Variants in HPCAL1 observed in about 807,000 individuals in gnomAD.
HPCAL1 encodes the protein hippocalcin like 1.
In HPCAL1, 8 loss-of-function variants were observed where a neutral mutation model predicts 17.1. The observed-to-expected ratio is 0.47, with a 90% CI of 0.27 to 0.84. The LOEUF is 0.84. Ranked by LOEUF, HPCAL1 falls within the 40% of genes least tolerant of loss-of-function variation. HPCAL1 has a pLI of 0.13. For missense variants in HPCAL1, 165 were observed against 271.1 expected (o/e 0.61, Z 2.75); for synonymous variants, 112 against 111.4 (o/e 1.01, Z -0.03).
At chr2:10,420,205 A>AG (rs1670969912) in intron 3 of HPCAL1, 70 bp downstream of exon 3, 42 of 688,848 alleles carry the variant, frequency 6.1e-5, no homozygotes, top group Non-Finnish European at 8.4e-5. Context: ...CCCCCAGCCC[A>AG]GGGCTTTTTT....
At position 10,400,216 on chromosome 2, in the gene HPCAL1, C is replaced by T. The variant is rs189902565; in HGVS notation, c.-25+3296C>T. Among the ~76,000 whole-genome samples, 335 of 152,240 alleles carry T rather than the reference C, an allele frequency of 2.2e-3. 2 individuals carry two copies. Among genetic ancestry groups the T allele is most frequent in the African/African-American group, 7.5e-3 (311 of 41,524 alleles). ...GGGCGAGCAGGCGGCTCAGCCAGGTCGGAGTGGGTCACACCTGAGGGGCAG... is the reference window on the plus strand; with the variant it reads ...GGGCGAGCAGGCGGCTCAGCCAGGTTGGAGTGGGTCACACCTGAGGGGCAG... On this transcript the variant is annotated intron_variant, in intron 2 of 4. Coordinates refer to ENST00000307845, the MANE Select transcript of HPCAL1 (RefSeq NM_002149.4).
intron 1 of HPCAL1, among the ~76,000 whole-genome samples, chr2:10,317,372 C>T (rs996856737): frequency 6.6e-6 from 1 of 152,042 alleles, no homozygotes; most frequent in South Asian, 2.1e-4. Context: ...GCTAGAGATG[C>T]CTGCTTTGGT....
intron 1 of HPCAL1, among the ~76,000 whole-genome samples, chr2:10,372,709 G>A (rs909605737): frequency 5.3e-5 from 8 of 152,206 alleles, no homozygotes; most frequent in Non-Finnish European, 8.8e-5. Context: ...CGTCAGCCAC[G>A]GCCAGAGCAC....
At position 10,426,811 on chromosome 2, in the gene HPCAL1, G is replaced by C; in HGVS notation, c.572G>C (p.Ser191Thr). ...CTGCAGTGCGACCCCAGCAGTGCCAGTCAGTTCTGAGCGAGCGGCCCCTGG... is the reference window on the plus strand; with the variant it reads ...CTGCAGTGCGACCCCAGCAGTGCCACTCAGTTCTGAGCGAGCGGCCCCTGG... ...RLLQCDPSSASQF is the reference protein window; with the variant it reads ...RLLQCDPSSATQF Residue 191 changes from serine to threonine, a missense_variant, in exon 5 of 5, where the codon AGT (serine) becomes ACT (threonine). By Grantham distance (58) the Ser-to-Thr change is moderately conservative. Transcript: ENST00000307845. 1 of 1,613,052 alleles carries C rather than the reference G, an allele frequency of 6.2e-7. No individual in the cohort carries two copies. Among genetic ancestry groups the C allele is most frequent in the Non-Finnish European group, 8.5e-7 (1 of 1,179,740 alleles).
intron 2 of HPCAL1, among the ~76,000 whole-genome samples, chr2:10,399,557 TACCGCCACCGCCACCACC>T (rs763791463): frequency 0.57 from 48,015 of 83,744 alleles, 12,377 homozygotes; most frequent in East Asian, 0.67. Flanking sequence ...CCGCCACCAC[TACCGCCACCGCCACCACC>T]ACCGCCACCG....
chr2:10,422,239 C>G (rs1671109697), intron 3 of HPCAL1, among the ~76,000 whole-genome samples: 1 of 152,170 alleles, frequency 6.6e-6, no homozygotes. Context: ...ACCTCTTTCT[C>G]ACAATGAGAA....
Position 10,395,706 on chromosome 2 carries a change from G to C in HPCAL1, c.-110-1129G>C, listed in dbSNP as rs114197416. Reference sequence around the variant, plus strand: ...GAAGAGAAACGGGCCGTCAGGTGAAGTGACTGTCAGGATTCCATCCTGGCT... The same window carrying C: ...GAAGAGAAACGGGCCGTCAGGTGAACTGACTGTCAGGATTCCATCCTGGCT... On this transcript the variant is annotated intron_variant, in intron 1 of 4. Coordinates refer to ENST00000307845, the MANE Select transcript of HPCAL1 (RefSeq NM_002149.4). This position sits in a 1 kb window ranked among gnomAD's most constrained non-coding sequence, Gnocchi z 4.4. 0.028 allele frequency among the ~76,000 whole-genome samples: 4,248 copies of C among 152,288 alleles called. 193 individuals are homozygous for C. Among genetic ancestry groups the C allele is most frequent in the African/African-American group, 0.098 (4,069 of 41,522 alleles).
chr2:10,337,589 C>T (rs914887171), intron 1 of HPCAL1, among the ~76,000 whole-genome samples: 5 of 152,296 alleles, frequency 3.3e-5, no homozygotes, highest in African/African-American at 1.2e-4. Flanking sequence ...TTCTCCACTC[C>T]TCCACTGACA....
In HPCAL1 at chr2:10,426,746, C is replaced by A; in HGVS notation, c.507C>A (p.Phe169Leu). Residue 169 changes from phenylalanine (F) to leucine (L), a missense_variant, in exon 5 of 5, where the codon TTC (phenylalanine) becomes TTA (leucine). Transcript: ENST00000307845. ...NNDGKLSLEE[F>L]IRGAKSDPSI... is the part of the protein sequence containing the mutation. ...CAGGCAAACTGTCCTTGGAAGAATT[C>A]ATCAGAGGTGCCAAGAGCGACCCCT... is the stretch of plus-strand genomic sequence containing the variant. 6.2e-7 allele frequency: 1 copy of A among 1,613,414 alleles called. No homozygotes were observed. Among genetic ancestry groups the A allele is most frequent in the Admixed American group, 1.7e-5 (1 of 60,022 alleles).
At chr2:10,357,743 G>T (rs989410327) in intron 1 of HPCAL1, among the ~76,000 whole-genome samples, 2 of 152,140 alleles carry the variant, frequency 1.3e-5, no homozygotes, top group Admixed American at 6.5e-5. Context: ...AATCAAGAAA[G>T]CGTGTTTTTC....
intron 1 of HPCAL1, among the ~76,000 whole-genome samples, chr2:10,345,137 C>T (rs1253763016): frequency 6.6e-6 from 1 of 152,076 alleles, no homozygotes; most frequent in Non-Finnish European, 1.5e-5. Context: ...GTGTCTGTCT[C>T]TGTTTCTGTC....
At chr2:10,348,351 A>G (rs1665599114) in intron 1 of HPCAL1, among the ~76,000 whole-genome samples, 1 of 152,186 alleles carries the variant, frequency 6.6e-6, no homozygotes, top group African/African-American at 2.4e-5. Flanking sequence ...CGGGAGGCTG[A>G]GGCAGGAGAA....
chr2:10,303,150 C>T lies in HPCAL1; in HGVS notation c.-138C>T, dbSNP rs886908092. 2 of 151,878 alleles carry T rather than the reference C, an allele frequency of 1.3e-5. No individual in the cohort carries two copies. Among genetic ancestry groups the T allele is most frequent in the African/African-American group, 4.8e-5 (2 of 41,350 alleles). 9.4% of individuals were successfully genotyped at this position (151,878 alleles called of 1,614,324 possible). A position where few individuals can be genotyped will look rare whatever the true frequency, so the allele number is the denominator to read the frequency against. Reference sequence around the variant, plus strand: ...GGCGCCGAACTTGGGCTCGGGAAGCCGGCGGACCGCGTCCTGCGCCGGAGC... The same window carrying T: ...GGCGCCGAACTTGGGCTCGGGAAGCTGGCGGACCGCGTCCTGCGCCGGAGC... On this transcript the variant is annotated 5_prime_UTR_variant, in exon 1 of 5. Coordinates refer to ENST00000307845, the MANE Select transcript of HPCAL1 (RefSeq NM_002149.4).
rs945402688 is a variant in HPCAL1 at position 10,359,926 on chromosome 2, C to A, written c.-110-36909C>A. Among the ~76,000 whole-genome samples, 18 of 151,990 alleles carry A rather than the reference C, an allele frequency of 1.2e-4. No homozygotes were observed. The highest frequency in any genetic ancestry group is 3.2e-3 in the Middle Eastern group (1 of 316). On this transcript the variant is annotated intron_variant, in intron 1 of 4. Coordinates refer to ENST00000307845, the MANE Select transcript of HPCAL1 (RefSeq NM_002149.4). This position sits in a 1 kb window ranked among gnomAD's most constrained non-coding sequence, Gnocchi z 4.1. ...GCCGGGTCCACAGCGCCCGCCGGGT[C>A]CACAGCGCCCGCCGGGTCCACAGCG...
chr2:10,415,988 G>C (rs533847447), intron 2 of HPCAL1, among the ~76,000 whole-genome samples: 8 of 152,330 alleles, frequency 5.3e-5, no homozygotes, highest in Non-Finnish European at 1.2e-4. Context: ...GGGTGCTGCA[G>C]GGCCTCAGGC....
chr2:10,373,418 C>T (rs535106526), intron 1 of HPCAL1, among the ~76,000 whole-genome samples: 1 of 152,178 alleles, frequency 6.6e-6, no homozygotes, highest in East Asian at 1.9e-4. Context: ...CCGGAAGCAT[C>T]GGCATCATCA....
At chr2:10,349,285 T>G (rs920051345) in intron 1 of HPCAL1, among the ~76,000 whole-genome samples, 6 of 152,110 alleles carry the variant, frequency 3.9e-5, no homozygotes, top group Middle Eastern at 3.2e-3. Flanking sequence ...CAAAAAATAA[T>G]ATTTTGTCAC....
At position 10,344,685 on chromosome 2, in the gene HPCAL1, A is replaced by G. The variant is rs1665297585; in HGVS notation, c.-111+41508A>G. Among the ~76,000 whole-genome samples the G allele has an allele frequency of 6.6e-6, 1 of 152,030 alleles. No homozygotes were observed. The highest frequency in any genetic ancestry group is 2.1e-4 in the South Asian group (1 of 4,810). On this transcript the variant is annotated intron_variant, in intron 1 of 4. Coordinates refer to ENST00000307845, the MANE Select transcript of HPCAL1 (RefSeq NM_002149.4). The surrounding 1 kb of genome is among the most constrained non-coding windows in gnomAD (Gnocchi z 4.9). Reference sequence around the variant, plus strand: ...CTCTGCTCCCCCTTCCCTTCCTCCCAGGACTTGCTCTGTCTCTGTCTCTTT... The same window carrying G: ...CTCTGCTCCCCCTTCCCTTCCTCCCGGGACTTGCTCTGTCTCTGTCTCTTT...
intron 1 of HPCAL1, among the ~76,000 whole-genome samples, chr2:10,338,076 G>A (rs1436404575): frequency 2.0e-5 from 3 of 152,142 alleles, no homozygotes; most frequent in South Asian, 2.1e-4. Context: ...TAGAAGTGGC[G>A]CATTTAGAAG....
Sources: gnomAD v4.1 joint callset for allele counts (sites outside exome capture counted in the v4.1 genomes callset) on GRCh38, gnomAD v4.1.1 for gene constraint, Gnocchi (gnomAD v3.1) non-coding constraint, MANE v1.5 for transcripts, NCBI Gene and HGNC (gene_info 2026-07-23, HGNC 2026-07-21) for gene names.